Variants in ENTPD6 observed in about 807,000 individuals in gnomAD.
ENTPD6 encodes ectonucleoside triphosphate diphosphohydrolase 6.
A neutral mutation model predicts 61.5 loss-of-function variants in ENTPD6; 46 were observed. The observed-to-expected ratio is 0.75, with a 90% confidence interval of 0.59 to 0.96. The LOEUF (loss-of-function observed/expected upper bound fraction) is 0.96, where lower values mean the gene tolerates loss of function less well. ENTPD6 is among the 40% of genes least tolerant of loss of function. The pLI, the probability that ENTPD6 is intolerant of heterozygous loss-of-function variation, is 0.00. For missense variants in ENTPD6, 612 were observed against 629.0 expected (o/e 0.97, Z 0.29); for synonymous variants, 252 against 255.5 (o/e 0.99, Z 0.13).
Position 25,211,202 on chromosome 20 carries a change from G to C in ENTPD6, c.453+1277G>C, listed in dbSNP as rs532867199. Among the ~76,000 whole-genome samples the C allele has an allele frequency of 3.3e-5, 5 of 152,252 alleles. No individual in the cohort carries two copies. In the East Asian group the frequency reaches 9.6e-4, roughly 29 times the overall value. On this transcript the variant is annotated intron_variant, in intron 4 of 14. Transcript: ENST00000376652. ...TAGTACATTGCTCTTGTCCACAAAC[G>C]TGTCATGGTCTCAGACAATGTAGTT...
At chr20:25,198,481 CAAA>C (rs3216638) in intron 1 of ENTPD6, among the ~76,000 whole-genome samples, 2 of 134,642 alleles carry the variant, frequency 1.5e-5, no homozygotes, top group East Asian at 4.3e-4. Flanking sequence ...GACTCTGTCT[CAAA>C]AAAAAAAAAG....
At chr20:25,197,209 C>T in intron 1 of ENTPD6, 1 of 985,458 alleles carries the variant, frequency 1.0e-6, no homozygotes, top group Non-Finnish European at 1.2e-6. Context: ...CATCAGATGG[C>T]CCCTGTATTT....
At chr20:25,225,097 G>A in intron 13 of ENTPD6, 108 bp from the exon 14 acceptor site, 1 of 1,486,218 alleles carries the variant, frequency 6.7e-7, no homozygotes, top group Non-Finnish European at 9.0e-7. Context: ...TGAATCCGGA[G>A]TGCGGAGCCA....
chr20:25,197,892 C>T (rs778887184), intron 1 of ENTPD6, among the ~76,000 whole-genome samples: 1 of 152,092 alleles, frequency 6.6e-6, no homozygotes, highest in Non-Finnish European at 1.5e-5. Context: ...TGATAAAGCA[C>T]GTTCAATTTG....
At chr20:25,218,715 G>A in intron 10 of ENTPD6, 101 bp downstream of exon 10, 5 of 1,238,224 alleles carry the variant, frequency 4.0e-6, no homozygotes, top group East Asian at 2.6e-5. Context: ...TGGCCCTGCA[G>A]GAGAGGTCCC....
chr20:25,225,400 C>G, intron 14 of ENTPD6, 83 bp downstream of exon 14: 1 of 1,576,882 alleles, frequency 6.3e-7, no homozygotes, highest in Non-Finnish European at 8.7e-7. Flanking sequence ...GGGGTCATGT[C>G]CCCCAGCCCA....
intron 9 of ENTPD6, among the ~76,000 whole-genome samples, chr20:25,217,887 C>G (rs1051471861): frequency 1.0e-4 from 15 of 149,964 alleles, no homozygotes; most frequent in Non-Finnish European, 2.1e-4. Context: ...AGACCTCTCT[C>G]TCCTCCTCCT....
chr20:25,203,890 A>G lies in ENTPD6; in HGVS notation c.-15-2632A>G, dbSNP rs116410945. On this transcript the variant is annotated intron_variant, in intron 1 of 14. Coordinates refer to ENST00000376652, the MANE Select transcript of ENTPD6 (RefSeq NM_001247.5). ...TTTGAAGACTAACTCTGTATTGGGA[A>G]TGGCCCCCACCAAATAGCAGGATCT... Among the ~76,000 whole-genome samples the G allele has an allele frequency of 5.9e-3, 892 of 152,324 alleles. 10 individuals are homozygous for G. Among genetic ancestry groups the G allele is most frequent in the African/African-American group, 0.02 (840 of 41,576 alleles).
At chr20:25,215,562 C>T (rs1428466944) in intron 6 of ENTPD6, 114 bp from the exon 7 acceptor site, 5 of 1,023,598 alleles carry the variant, frequency 4.9e-6, no homozygotes, top group East Asian at 4.8e-5. Context: ...GGGTGTAGTG[C>T]GGAAGTGATC....
rs1363090939 is a variant in ENTPD6, at chr20:25,226,498, C to T, written c.*901C>T. ...GCTGTGCCACGGGTCAGCTGAGCCA[C>T]AGTCCCAGAACCAAGCTCTCGGTGT... On this transcript the variant is annotated 3_prime_UTR_variant, in exon 15 of 15. Coordinates refer to ENST00000376652, the MANE Select transcript of ENTPD6 (RefSeq NM_001247.5). 6.5e-6 allele frequency: 1 copy of T among 152,830 alleles called. No homozygotes were observed. The highest frequency in any genetic ancestry group is 2.4e-5 in the African/African-American group (1 of 41,432). 9.5% of individuals were successfully genotyped at this position (152,830 alleles called of 1,614,324 possible). A position where few individuals can be genotyped will look rare whatever the true frequency, so the allele number is the denominator to read the frequency against.
In ENTPD6 at chr20:25,227,580, A is replaced by T. The variant is rs1479770038; in HGVS notation, c.*1983A>T. Among the ~76,000 whole-genome samples the T allele has an allele frequency of 6.6e-6, 1 of 152,214 alleles. No individual in the cohort carries two copies. The highest frequency in any genetic ancestry group is 2.4e-5 in the African/African-American group (1 of 41,454). On this transcript the variant is annotated 3_prime_UTR_variant, in exon 15 of 15. Coordinates refer to ENST00000376652, the MANE Select transcript of ENTPD6 (RefSeq NM_001247.5). ...TTGTCAAAAATAGCTACACGTGCAC[A>T]TCGTAAAAGAAGCAAACTAGGGTTG...
Position 25,225,276 on chromosome 20 carries a change from C to T in ENTPD6, c.1315C>T (p.Leu439=), listed in dbSNP as rs773463757. ...SCMDLTYVSL[L]LQEFGFPRSK... Reference sequence around the variant, plus strand: ...CATGGACCTCACCTACGTCAGCCTGCTACTCCAGGAGTTCGGCTTTCCCAG... The same window carrying T: ...CATGGACCTCACCTACGTCAGCCTGTTACTCCAGGAGTTCGGCTTTCCCAG... The change falls in exon 14 of 15, where the codon CTA becomes TTA. Residue 439 remains leucine, a synonymous_variant. Transcript: ENST00000376652. 1.9e-6 allele frequency: 3 copies of T among 1,613,418 alleles called. No homozygotes were observed. Among genetic ancestry groups the T allele is most frequent in the Non-Finnish European group, 2.5e-6 (3 of 1,179,952 alleles).
At chr20:25,209,428 A>G (rs1324369203) in intron 3 of ENTPD6, among the ~76,000 whole-genome samples, 1 of 151,912 alleles carries the variant, frequency 6.6e-6, no homozygotes, top group African/African-American at 2.4e-5. Flanking sequence ...GGATTCTTAA[A>G]AGGTAAAATG....
At chr20:25,217,320 C>T (rs928966295) in intron 8 of ENTPD6, among the ~76,000 whole-genome samples, 182 bp from the exon 9 acceptor site, 5 of 152,102 alleles carry the variant, frequency 3.3e-5, no homozygotes, top group Admixed American at 2.0e-4. Flanking sequence ...AACGAAGCAC[C>T]GTTCTTCACT....
In ENTPD6 at chr20:25,226,675, A is replaced by C. The variant is rs1412528041; in HGVS notation, c.*1078A>C. 1 of 152,242 alleles carries C rather than the reference A, an allele frequency of 6.6e-6. No homozygotes were observed. Among genetic ancestry groups the C allele is most frequent in the Non-Finnish European group, 1.5e-5 (1 of 68,074 alleles). 9.4% of individuals were successfully genotyped at this position (152,242 alleles called of 1,614,324 possible). A position where few individuals can be genotyped will look rare whatever the true frequency, so the allele number is the denominator to read the frequency against. On this transcript the variant is annotated 3_prime_UTR_variant, in exon 15 of 15. Coordinates refer to ENST00000376652, the MANE Select transcript of ENTPD6 (RefSeq NM_001247.5). ...AATGTACAGTGCCCGGCACGAGCTGAACCTCATGTGTTCCACTCCCAATAA... is the reference window on the plus strand; with the variant it reads ...AATGTACAGTGCCCGGCACGAGCTGCACCTCATGTGTTCCACTCCCAATAA...
intron 4 of ENTPD6, 138 bp from the exon 5 acceptor site, chr20:25,213,125 A>G: frequency 1.1e-6 from 1 of 925,836 alleles, no homozygotes; most frequent in Non-Finnish European, 1.7e-6. Flanking sequence ...GCTGTGATCA[A>G]GCCACTTCAC....
At chr20:25,224,190 G>T in intron 13 of ENTPD6, 33 bp downstream of exon 13, 1 of 1,599,858 alleles carries the variant, frequency 6.3e-7, no homozygotes, top group Non-Finnish European at 8.5e-7. Flanking sequence ...TCTCAGCAGG[G>T]GCAGGCGCCC....
intron 3 of ENTPD6, among the ~76,000 whole-genome samples, chr20:25,208,271 T>C (rs2091677236): frequency 6.6e-6 from 1 of 152,192 alleles, no homozygotes; most frequent in Non-Finnish European, 1.5e-5. Flanking sequence ...ATTACAGTAG[T>C]GAAATATTTA....
At chr20:25,224,411 T>C in intron 13 of ENTPD6, 1 of 343,444 alleles carries the variant, frequency 2.9e-6, no homozygotes, top group South Asian at 6.7e-5. Flanking sequence ...TGATTTCCCC[T>C]GGGATGTCCC....
Sources: gnomAD v4.1 joint callset for allele counts (sites outside exome capture counted in the v4.1 genomes callset) on GRCh38, gnomAD v4.1.1 for gene constraint, MANE v1.5 for transcripts, NCBI Gene and HGNC (gene_info 2026-07-23, HGNC 2026-07-21) for gene names.